The following ITPRIP variants were observed in gnomAD, a reference collection of about 807,000 sequenced individuals.
The protein encoded by ITPRIP is inositol 1,4,5-trisphosphate receptor-interacting protein.
Under a neutral mutation model 35.8 loss-of-function variants are expected in ITPRIP, and 32 were observed. That is an observed-to-expected ratio of 0.89 (90% CI 0.68 to 1.20). The LOEUF (loss-of-function observed/expected upper bound fraction) is 1.20. Among genes scored for constraint, ITPRIP ranks in the 50% most tolerant of loss-of-function variants. The pLI is 0.00. For synonymous variants in ITPRIP, 358 were observed against 324.0 expected, an observed-to-expected ratio of 1.11 and a Z score of -1.13; for missense variants, 653 against 735.6, an observed-to-expected ratio of 0.89 and a Z score of 1.30.
chr10:104,320,122 T>C (rs116309304), intron 1 of ITPRIP, among the ~76,000 whole-genome samples: 2,460 of 151,246 alleles, frequency 0.016, 96 homozygotes, highest in African/African-American at 0.058. Flanking sequence ...TCTCCTTCCC[T>C]TTCCAGGTCT....
chr10:104,335,158 A>C (rs1360092678), intron 1 of ITPRIP, among the ~76,000 whole-genome samples: 1 of 152,144 alleles, frequency 6.6e-6, no homozygotes, highest in Admixed American at 6.5e-5. Context: ...TGAGAAGCCT[A>C]TTTTGTTTAA....
Position 104,312,557 on chromosome 10 carries a change from A to T in ITPRIP, c.*1851T>A. 1.1e-6 allele frequency: 1 copy of T among 924,228 alleles called. No individual in the cohort carries two copies. Among genetic ancestry groups the T allele is most frequent in the Non-Finnish European group, 1.3e-6 (1 of 773,942 alleles). 57.3% of individuals were successfully genotyped at this position (924,228 alleles called of 1,614,324 possible). ...CAGGCTGCTGTTAGGGACACACTTG[A>T]GCTGGTTCATTCCCTGGAGTGCCCC... is the stretch of plus-strand genomic sequence containing the variant. On this transcript the variant is annotated 3_prime_UTR_variant, in exon 2 of 2. Transcript: ENST00000337478.
intron 1 of ITPRIP, among the ~76,000 whole-genome samples, chr10:104,336,259 C>T (rs1408201246): frequency 6.6e-6 from 1 of 152,114 alleles, no homozygotes; most frequent in Non-Finnish European, 1.5e-5. Context: ...TGTACCCCTC[C>T]CCAGCAAGAC....
At position 104,328,133 on chromosome 10, in the gene ITPRIP, G is replaced by T; in HGVS notation, c.-14+10113C>A. ...AATGCCCACCACTTGCAGGAAGGAT[G>T]CCTCTCCCACAGCCAGCCTGCAGGG... On this transcript the variant is annotated intron_variant, in intron 1 of 1. Transcript: ENST00000337478. This position sits in a 1 kb window ranked among gnomAD's most constrained non-coding sequence, Gnocchi z 4.1. 1 of 726,844 alleles carries T rather than the reference G, an allele frequency of 1.4e-6. No individual in the cohort carries two copies. Among genetic ancestry groups the T allele is most frequent in the Non-Finnish European group, 1.7e-6 (1 of 593,756 alleles). The allele number at this position is 726,844 out of a possible 1,614,324, so 45.0% of individuals were successfully genotyped here. A position where few individuals can be genotyped will look rare whatever the true frequency, so the allele number is the denominator to read the frequency against.
rs955449047 is a variant in ITPRIP at position 104,313,631 on chromosome 10, G to A, written c.*777C>T. ...GGGGGCTGCTGAGCTGGCACCCAGTGTGGCAAATACCCACCACGCTCGGGA... is the reference window on the plus strand; with the variant it reads ...GGGGGCTGCTGAGCTGGCACCCAGTATGGCAAATACCCACCACGCTCGGGA... On this transcript the variant is annotated 3_prime_UTR_variant, in exon 2 of 2. Transcript: ENST00000337478. 4 of 985,478 alleles carry A rather than the reference G, an allele frequency of 4.1e-6. No individual in the cohort carries two copies. The African/African-American group carries it at 5.2e-5, about 13-fold the overall frequency. The allele number at this position is 985,478 out of a possible 1,614,324, so 61.0% of individuals were successfully genotyped here.
chr10:104,331,933 G>A (rs1030118573), intron 1 of ITPRIP, among the ~76,000 whole-genome samples: 3 of 152,170 alleles, frequency 2.0e-5, no homozygotes, highest in Non-Finnish European at 4.4e-5. Context: ...TGTTTTCTCA[G>A]TATTGACACT....
At chr10:104,330,198 G>A (rs1429087381) in intron 1 of ITPRIP, among the ~76,000 whole-genome samples, 4 of 152,240 alleles carry the variant, frequency 2.6e-5, no homozygotes, top group African/African-American at 9.6e-5. Flanking sequence ...CATGAATGGA[G>A]TTAGGATTGG....
chr10:104,311,016 C>G lies in ITPRIP; in HGVS notation c.*3392G>C, dbSNP rs2013472257. 6.6e-6 allele frequency: 1 copy of G among 152,392 alleles called. No individual in the cohort carries two copies. The highest frequency in any genetic ancestry group is 1.5e-5 in the Non-Finnish European group (1 of 68,166). 9.4% of individuals were successfully genotyped at this position (152,392 alleles called of 1,614,324 possible). A position where few individuals can be genotyped will look rare whatever the true frequency, so the allele number is the denominator to read the frequency against. On this transcript the variant is annotated 3_prime_UTR_variant, in exon 2 of 2. Transcript: ENST00000337478. ...CTTGGAAGGCCACCTTCTGCTGCCT[C>G]TCCTAGGGAACAGGCTTGGTCCTAT...
chr10:104,312,876 T>C lies in ITPRIP; in HGVS notation c.*1532A>G. ...CGGCTTAAACCCTGGAGGAACACGG[T>C]ATATTCTTGACTCCCTGGCCCCCTG... On this transcript the variant is annotated 3_prime_UTR_variant, in exon 2 of 2. Coordinates refer to ENST00000337478, the MANE Select transcript of ITPRIP (RefSeq NM_001272013.2). 1.0e-6 allele frequency: 1 copy of C among 985,252 alleles called. No individual in the cohort carries two copies. Among genetic ancestry groups the C allele is most frequent in the Non-Finnish European group, 1.2e-6 (1 of 829,910 alleles). The allele number at this position is 985,252 out of a possible 1,614,324, so 61.0% of individuals were successfully genotyped here.
chr10:104,332,006 C>T (rs562722567), intron 1 of ITPRIP, among the ~76,000 whole-genome samples: 5 of 152,286 alleles, frequency 3.3e-5, no homozygotes, highest in African/African-American at 4.8e-5. Context: ...TCCAGACAGA[C>T]GCCTGAGGTG....
In ITPRIP at chr10:104,313,814, C is replaced by T; in HGVS notation, c.*594G>A. The T allele has an allele frequency of 1.0e-6, 1 of 985,546 alleles. No homozygotes were observed. Among genetic ancestry groups the T allele is most frequent in the Non-Finnish European group, 1.2e-6 (1 of 830,062 alleles). The allele number at this position is 985,546 out of a possible 1,614,324, so 61.1% of individuals were successfully genotyped here. ...GTGACAGAGACGTTAGTCATTTGGG[C>T]CTCGAATTTATACAAGGTCTTTTCT... On this transcript the variant is annotated 3_prime_UTR_variant, in exon 2 of 2. Coordinates refer to ENST00000337478, the MANE Select transcript of ITPRIP (RefSeq NM_001272013.2).
At chr10:104,318,474 G>A (rs147682264) in intron 1 of ITPRIP, among the ~76,000 whole-genome samples, 27 of 152,310 alleles carry the variant, frequency 1.8e-4, no homozygotes, top group South Asian at 4.1e-4. Context: ...CAGGTTCCTT[G>A]TCAACTCAGT....
rs997884319 is a variant in ITPRIP at position 104,312,686 on chromosome 10, C to G, written c.*1722G>C. On this transcript the variant is annotated 3_prime_UTR_variant, in exon 2 of 2. Transcript: ENST00000337478. ...TTTGGTTGCCCTGATCACAGCCGAGCTGCCCCACCAGGAATTAACCCTGGT... is the reference window on the plus strand; with the variant it reads ...TTTGGTTGCCCTGATCACAGCCGAGGTGCCCCACCAGGAATTAACCCTGGT... 38 of 985,256 alleles carry G rather than the reference C, an allele frequency of 3.9e-5. No individual in the cohort carries two copies. Among genetic ancestry groups the G allele is most frequent in the African/African-American group, 1.0e-4 (6 of 57,206 alleles). 61.0% of individuals were successfully genotyped at this position (985,256 alleles called of 1,614,324 possible). A position where few individuals can be genotyped will look rare whatever the true frequency, so the allele number is the denominator to read the frequency against.
At chr10:104,329,617 C>T (rs1404971270) in intron 1 of ITPRIP, among the ~76,000 whole-genome samples, 6 of 152,126 alleles carry the variant, frequency 3.9e-5, no homozygotes, top group African/African-American at 7.2e-5. Context: ...CTCATTTCCA[C>T]TCCTACTGTC....
chr10:104,315,044 G>A lies in ITPRIP; in HGVS notation c.1008C>T (p.Ile336=). Residue 336 remains isoleucine, a synonymous_variant, in exon 2 of 2, where the codon ATC becomes ATT. Coordinates refer to ENST00000337478, the MANE Select transcript of ITPRIP (RefSeq NM_001272013.2). The surrounding 1 kb of genome is among the most constrained non-coding windows in gnomAD (Gnocchi z 5.7). ...GCATGAACTTCCCTGAACGGAACTTGATCTTCAGGGACCCCGGGCTGTCCA... is the reference window on the plus strand; with the variant it reads ...GCATGAACTTCCCTGAACGGAACTTAATCTTCAGGGACCCCGGGCTGTCCA... The part of the protein sequence containing the change: ...GQLDSPGSLK[I]KFRSGKFMPF... 1 of 1,614,186 alleles carries A rather than the reference G, an allele frequency of 6.2e-7. No homozygotes were observed. The highest frequency in any genetic ancestry group is 8.5e-7 in the Non-Finnish European group (1 of 1,180,046).
In ITPRIP at chr10:104,313,850, T is replaced by C. The variant is rs142449146; in HGVS notation, c.*558A>G. 1.0e-6 allele frequency: 1 copy of C among 985,718 alleles called. No individual in the cohort carries two copies. Among genetic ancestry groups the C allele is most frequent in the African/African-American group, 1.7e-5 (1 of 57,328 alleles). The allele number at this position is 985,718 out of a possible 1,614,324, so 61.1% of individuals were successfully genotyped here. On this transcript the variant is annotated 3_prime_UTR_variant, in exon 2 of 2. Transcript: ENST00000337478. ...TACAAGGTCTTTTCTCCAAATAGTATAAAAAAGTGGCAGCCATGGTGGGAC... is the reference window on the plus strand; with the variant it reads ...TACAAGGTCTTTTCTCCAAATAGTACAAAAAAGTGGCAGCCATGGTGGGAC...
chr10:104,327,591 CCT>C (rs1025275498), intron 1 of ITPRIP, among the ~76,000 whole-genome samples: 4 of 152,146 alleles, frequency 2.6e-5, no homozygotes, highest in Admixed American at 2.6e-4. Flanking sequence ...AAGACAAATC[CCT>C]CTTTCTTCCA....
chr10:104,330,978 G>C (rs1270349109), intron 1 of ITPRIP, among the ~76,000 whole-genome samples: 1 of 152,224 alleles, frequency 6.6e-6, no homozygotes, highest in East Asian at 1.9e-4. Flanking sequence ...GGACTGTTTA[G>C]GGAAGGGTAG....
In ITPRIP at chr10:104,313,511, T is replaced by G. The variant is rs2013542866; in HGVS notation, c.*897A>C. 1 of 985,520 alleles carries G rather than the reference T, an allele frequency of 1.0e-6. No homozygotes were observed. The highest frequency in any genetic ancestry group is 6.2e-5 in the Admixed American group (1 of 16,260). 61.0% of individuals were successfully genotyped at this position (985,520 alleles called of 1,614,324 possible). ...CTTTGCCACAGTCACCCCGTGTGTC[T>G]CTTTCTCCAGGTCAGCTTCCACCTT... On this transcript the variant is annotated 3_prime_UTR_variant, in exon 2 of 2. Coordinates refer to ENST00000337478, the MANE Select transcript of ITPRIP (RefSeq NM_001272013.2).
Sources: allele counts gnomAD v4.1 joint callset (sites outside exome capture counted in the v4.1 genomes callset), GRCh38; gene constraint gnomAD v4.1.1; non-coding constraint Gnocchi (gnomAD v3.1); transcripts MANE v1.5; gene names NCBI Gene and HGNC (gene_info 2026-07-23, HGNC 2026-07-21).